EML1: variants seen among roughly 807,000 people sequenced by gnomAD.
EML1 encodes echinoderm microtubule-associated protein-like 1.
In EML1, 27 loss-of-function variants were observed where a neutral mutation model predicts 110.4. The ratio of observed to expected loss-of-function variants is 0.24; its 90% CI spans 0.18 to 0.34. The LOEUF (loss-of-function observed/expected upper bound fraction) is 0.34, where lower values mean the gene tolerates loss of function less well. EML1 is among the 10% of genes least tolerant of loss of function. EML1 has a pLI of 1.00. For synonymous variants in EML1, 344 were observed against 385.8 expected (o/e 0.89, Z 1.27); for missense variants, 741 against 1,030.9 (o/e 0.72, Z 3.85).
Position 99,914,677 on chromosome 14 carries a change from G to C in EML1, c.1732G>C (p.Val578Leu), listed in dbSNP as rs376629514. 13 of 1,607,832 alleles carry C rather than the reference G, an allele frequency of 8.1e-6. No homozygotes were observed. The highest frequency in any genetic ancestry group is 1.7e-5 in the Admixed American group (1 of 57,836). Reference protein sequence around the residue: ...TLWDAVGHRPVWDKIIEDPAQ... With the variant: ...TLWDAVGHRPLWDKIIEDPAQ... ...CTGGGACGCTGTGGGTCACCGTCCC[G>C]TCTGGGACAAAATAATAGAGGTAAA... Residue 578 changes from valine (V) to leucine (L), a missense_variant, in exon 15 of 22, where the codon GTC becomes CTC. Physicochemically the swap from Val to Leu is conservative, Grantham distance 32 (BLOSUM62 1). Around this residue, in one of 4 missense-constraint regions of EML1, gnomAD observed 388 missense variants for 605.6 expected, o/e 0.64. Transcript: ENST00000262233.
Position 99,940,005 on chromosome 14 carries a change from G to A in EML1, c.2341G>A (p.Gly781Ser), listed in dbSNP as rs776949763. The change falls in exon 22 of 22, where the codon GGC (glycine) becomes AGC (serine). Residue 781 changes from glycine (G) to serine (S), a missense_variant. Gly to Ser is a moderately conservative substitution (Grantham distance 56). This residue lies in a region of EML1 where 114 missense variants were observed against 122.5 expected (regional missense o/e 0.93). Coordinates refer to ENST00000262233, the MANE Select transcript of EML1 (RefSeq NM_004434.3). The part of the protein sequence containing the change: ...SQFRAPSHIY[G>S]GHSSHVTNVD... ...CCTCCAGGCTCCAAGCCACATCTAC[G>A]GCGGGCACAGCAGCCATGTCACCAA... is the stretch of plus-strand genomic sequence containing the variant. 45 of 1,579,992 alleles carry A rather than the reference G, an allele frequency of 2.8e-5. No individual in the cohort carries two copies. The highest frequency in any genetic ancestry group is 9.5e-5 in the African/African-American group (7 of 73,660).
intron 4 of EML1, among the ~76,000 whole-genome samples, chr14:99,882,317 C>A (rs370035576): frequency 4.8e-4 from 73 of 152,192 alleles, no homozygotes; most frequent in African/African-American, 1.7e-3. Flanking sequence ...AAATTGGCTG[C>A]TTATTTAGAA....
chr14:99,850,746 T>TA (rs1327338610), intron 1 of EML1, 107 bp from the exon 2 acceptor site: 1 of 1,204,092 alleles, frequency 8.3e-7, no homozygotes, highest in Non-Finnish European at 1.2e-6. Flanking sequence ...CCGTAAGTGT[T>TA]ACTATGTTAA....
intron 2 of EML1, among the ~76,000 whole-genome samples, chr14:99,853,367 C>T (rs1014022216): frequency 4.0e-5 from 6 of 151,718 alleles, no homozygotes; most frequent in Non-Finnish European, 7.4e-5. Flanking sequence ...GCAGGAGGGG[C>T]GTGCCCGTGG....
At chr14:99,828,678 C>T (rs1275060029) in intron 1 of EML1, among the ~76,000 whole-genome samples, 1 of 152,046 alleles carries the variant, frequency 6.6e-6, no homozygotes, top group Non-Finnish European at 1.5e-5. Context: ...ACTTTTGATT[C>T]CCCAGAAGTT....
At position 99,925,329 on chromosome 14, in the gene EML1, C is replaced by T. The variant is rs143788232; in HGVS notation, c.1909+4452C>T. ...GGGCTGGTGTACACTAGCACAAACA[C>T]GGCACACTGCAGCCCTGACCTCCTG... On this transcript the variant is annotated intron_variant, in intron 17 of 21. Transcript: ENST00000262233. Among the ~76,000 whole-genome samples the T allele has an allele frequency of 1.8e-3, 270 of 149,864 alleles. 1 individual carries two copies. The highest frequency in any genetic ancestry group is 5.1e-3 in the African/African-American group (207 of 40,668).
chr14:99,808,948 G>A (rs1043933864), intron 1 of EML1, among the ~76,000 whole-genome samples: 9 of 152,144 alleles, frequency 5.9e-5, no homozygotes, highest in African/African-American at 2.2e-4. Context: ...AATCAGGGAA[G>A]CTGATGGGTG....
rs573313300 is a variant in EML1, at chr14:99,836,458, T to G, written c.68-14395T>G. Among the ~76,000 whole-genome samples the G allele has an allele frequency of 2.6e-5, 4 of 152,326 alleles. No individual in the cohort carries two copies. In the South Asian group the frequency reaches 6.2e-4, roughly 24 times the overall value. ...CATAGACATTTATATCATCTGCAAATAGACAGTTTTGTTTCTTCCTTCCCA... is the reference window on the plus strand; with the variant it reads ...CATAGACATTTATATCATCTGCAAAGAGACAGTTTTGTTTCTTCCTTCCCA... On this transcript the variant is annotated intron_variant, in intron 1 of 21. Coordinates refer to ENST00000262233, the MANE Select transcript of EML1 (RefSeq NM_004434.3).
chr14:99,801,531 C>T (rs919445522), intron 1 of EML1, among the ~76,000 whole-genome samples: 5 of 151,850 alleles, frequency 3.3e-5, no homozygotes, highest in Admixed American at 6.6e-5. Flanking sequence ...AGGAGAATGG[C>T]GTGAACCCGG....
chr14:99,911,325 A>T (rs1464942670), intron 12 of EML1, 97 bp from the exon 13 acceptor site: 19 of 1,384,694 alleles, frequency 1.4e-5, no homozygotes, highest in Admixed American at 5.3e-5. Flanking sequence ...GCTCACGGAC[A>T]ATATTGCGTT....
At chr14:99,882,128 A>G (rs1268424974) in intron 4 of EML1, among the ~76,000 whole-genome samples, 2 of 152,230 alleles carry the variant, frequency 1.3e-5, no homozygotes, top group Non-Finnish European at 2.9e-5. Context: ...ATTTTACTTT[A>G]TGTATTATTG....
At chr14:99,893,719 A>C (rs1235212065) in intron 5 of EML1, among the ~76,000 whole-genome samples, 1 of 152,208 alleles carries the variant, frequency 6.6e-6, no homozygotes, top group Non-Finnish European at 1.5e-5. Context: ...CCTGGTTCCA[A>C]CTGCCCAGTT....
In EML1 at chr14:99,914,627, G is replaced by A. The variant is rs761952770; in HGVS notation, c.1682G>A (p.Cys561Tyr). The change falls in exon 15 of 22, where the codon TGT becomes TAT. Residue 561 changes from cysteine (C) to tyrosine (Y), a missense_variant. Cys to Tyr is a radical substitution (Grantham distance 194). Transcript: ENST00000262233. ...GCCTCAAAATCTCAGTTCTTGACCTGTGGGCATGACAAGCATGCCACTCTC... is the reference window on the plus strand; with the variant it reads ...GCCTCAAAATCTCAGTTCTTGACCTATGGGCATGACAAGCATGCCACTCTC... Reference protein sequence around the residue: ...IHASKSQFLTCGHDKHATLWD... With the variant: ...IHASKSQFLTYGHDKHATLWD... 2 of 1,612,644 alleles carry A rather than the reference G, an allele frequency of 1.2e-6. No individual in the cohort carries two copies. The highest frequency in any genetic ancestry group is 1.7e-5 in the Admixed American group (1 of 59,410).
At chr14:99,813,622 G>A (rs1037898898) in intron 1 of EML1, among the ~76,000 whole-genome samples, 1 of 152,058 alleles carries the variant, frequency 6.6e-6, no homozygotes, top group African/African-American at 2.4e-5. Context: ...TGGGAGGATC[G>A]CTTGAGCCTG....
intron 1 of EML1, among the ~76,000 whole-genome samples, chr14:99,819,622 G>A (rs754843822): frequency 6.6e-6 from 1 of 152,200 alleles, no homozygotes; most frequent in Non-Finnish European, 1.5e-5. Context: ...TTGGCCCTGC[G>A]GTGACGGGAA....
chr14:99,917,940 C>T (rs2060061965), intron 16 of EML1, 91 bp downstream of exon 16: 3 of 1,310,424 alleles, frequency 2.3e-6, no homozygotes, highest in Non-Finnish European at 3.3e-6. Context: ...CCCCGTTCAG[C>T]TCTTGGCTAC....
intron 3 of EML1, among the ~76,000 whole-genome samples, chr14:99,866,825 G>A (rs568148357): frequency 2.0e-5 from 3 of 152,126 alleles, no homozygotes; most frequent in African/African-American, 4.8e-5. Context: ...TTTTGTGACT[G>A]GCTTACTTTG....
rs1424776267 is a variant in EML1, at chr14:99,914,319, A to C, written c.1620+15A>C. 6.2e-7 allele frequency: 1 copy of C among 1,600,446 alleles called. No homozygotes were observed. The highest frequency in any genetic ancestry group is 8.6e-7 in the Non-Finnish European group (1 of 1,169,502). Reference sequence around the variant, plus strand: ...CCATTACTCAGGTACGATCCCACTCAGCAGGCCCGGCAAACACTCTCATTT... The same window carrying C: ...CCATTACTCAGGTACGATCCCACTCCGCAGGCCCGGCAAACACTCTCATTT... On this transcript the variant is annotated intron_variant, in intron 14 of 21. Transcript: ENST00000262233.
At chr14:99,852,167 G>A (rs17572879) in intron 2 of EML1, among the ~76,000 whole-genome samples, 38,104 of 152,136 alleles carry the variant, frequency 0.25, 5,216 homozygotes, top group Non-Finnish European at 0.3. Flanking sequence ...GCTAGCTGGC[G>A]CCCTCATGTC....
Sources: allele counts gnomAD v4.1 joint callset (sites outside exome capture counted in the v4.1 genomes callset), GRCh38; gene constraint gnomAD v4.1.1; regional missense constraint gnomAD v4.1.1; transcripts MANE v1.5; gene names NCBI Gene and HGNC (gene_info 2026-07-23, HGNC 2026-07-21).